The following CHD1L variants were observed in gnomAD, a reference collection of about 807,000 sequenced individuals.
CHD1L encodes the protein chromodomain helicase DNA binding protein 1 like.
In CHD1L, 118 loss-of-function variants were observed where a neutral mutation model predicts 115.9. The ratio of observed to expected loss-of-function variants is 1.02; its 90% CI spans 0.88 to 1.19. The LOEUF is 1.19. Ranked by LOEUF, CHD1L falls within the 50% of genes most tolerant of loss-of-function variation. CHD1L has a pLI of 0.00. For missense variants in CHD1L, 1,179 were observed against 1,065.3 expected (o/e 1.11, Z -1.49); for synonymous variants, 411 against 387.1 (o/e 1.06, Z -0.72).
Position 147,266,102 on chromosome 1 carries a change from C to T in CHD1L, c.895+15C>T. On this transcript the variant is annotated intron_variant, in intron 8 of 22. Transcript: ENST00000369258. ...GAAAGACCTAGGTAATCAGAGGGCA[C>T]TTGTCCATTTAGAAACTAAATGAGG... 1 of 1,597,368 alleles carries T rather than the reference C, an allele frequency of 6.3e-7. No homozygotes were observed. The highest frequency in any genetic ancestry group is 1.4e-5 in the African/African-American group (1 of 73,986).
the CHD1L span, chr1:147,215,917 C>G: frequency 6.2e-7 from 1 of 1,607,542 alleles, no homozygotes; most frequent in Non-Finnish European, 8.5e-7. Context: ...TTTGTAAATA[C>G]TGGCCCTTCC....
At position 147,267,452 on chromosome 1, in the gene CHD1L, A is replaced by G. The variant is rs1674395055; in HGVS notation, c.922A>G (p.Lys308Glu). The G allele has an allele frequency of 1.2e-6, 2 of 1,613,112 alleles. No individual in the cohort carries two copies. Among genetic ancestry groups the G allele is most frequent in the Admixed American group, 1.7e-5 (1 of 59,898 alleles). The stretch of plus-strand genomic sequence containing the variant: ...TGCATTTGAAAATGAGACGGCAAAG[A>G]AAGTTAAACTACAGAACATTTTGTC... ...LDAFENETAK[K>E]VKLQNILSQL... Residue 308 changes from lysine (K) to glutamate (E), a missense_variant, in exon 9 of 23, where the codon AAA becomes GAA. Physicochemically the swap from Lys to Glu is moderately conservative, Grantham distance 56 (BLOSUM62 1). Transcript: ENST00000369258.
chr1:147,191,091 C>T, the CHD1L span, among the ~76,000 whole-genome samples: 1 of 152,118 alleles, frequency 6.6e-6, no homozygotes, highest in South Asian at 2.1e-4. Context: ...CGTTGTTGGA[C>T]ATTTGGCTTG....
At chr1:147,223,833 G>T in the CHD1L span, 1 of 297,308 alleles carries the variant, frequency 3.4e-6, no homozygotes, top group South Asian at 3.0e-5. Context: ...AACAGCTACT[G>T]ACTGCTTACG....
At chr1:147,193,992 G>T in the CHD1L span, among the ~76,000 whole-genome samples, 2 of 152,086 alleles carry the variant, frequency 1.3e-5, no homozygotes, top group African/African-American at 2.4e-5. Context: ...CGTTGATTTG[G>T]GGTGGAGAGT....
intron 19 of CHD1L, among the ~76,000 whole-genome samples, chr1:147,288,337 A>AAAAAAAC (rs1684154277): frequency 1.6e-3 from 2 of 1,286 alleles, no homozygotes; most frequent in African/African-American, 2.4e-3. Flanking sequence ...AAAAAAAAAA[A>AAAAAAAC]AAAAAAAAAG....
At chr1:147,187,010 G>A in the CHD1L span, 2 of 1,614,030 alleles carry the variant, frequency 1.2e-6, no homozygotes, top group Non-Finnish European at 1.7e-6. Flanking sequence ...GTCATCAGAG[G>A]CTTCCTGATG....
the CHD1L span, chr1:147,186,301 C>T: frequency 2.0e-6 from 2 of 981,464 alleles, no homozygotes; most frequent in Admixed American, 6.2e-5. Context: ...AGACATGGTT[C>T]CTAAGGAAAA....
At chr1:147,287,394 G>T (rs1683586768) in intron 18 of CHD1L, among the ~76,000 whole-genome samples, 1 of 152,162 alleles carries the variant, frequency 6.6e-6, no homozygotes, top group Non-Finnish European at 1.5e-5. Context: ...CAGAGATTTT[G>T]CTCATTGAGA....
At chr1:147,192,497 C>T in the CHD1L span, among the ~76,000 whole-genome samples, 1 of 152,140 alleles carries the variant, frequency 6.6e-6, no homozygotes, top group East Asian at 1.9e-4. Flanking sequence ...ATCGAATACC[C>T]TTTATTTCCT....
At chr1:147,265,804 C>G in intron 7 of CHD1L, 128 bp from the exon 8 acceptor site, 1 of 700,146 alleles carries the variant, frequency 1.4e-6, no homozygotes. Context: ...AAAAAATGAT[C>G]ATACTGGCCT....
chr1:147,197,105 T>C, the CHD1L span, among the ~76,000 whole-genome samples: 6 of 152,202 alleles, frequency 3.9e-5, no homozygotes, highest in African/African-American at 1.4e-4. Context: ...TGTGAATATT[T>C]CTAGTTTCAT....
At chr1:147,280,973 T>C (rs1436163231) in intron 15 of CHD1L, among the ~76,000 whole-genome samples, 1 of 152,206 alleles carries the variant, frequency 6.6e-6, no homozygotes, top group Non-Finnish European at 1.5e-5. Flanking sequence ...CTTCACTAGA[T>C]GGTAGCTCCT....
At chr1:147,255,711 C>T in intron 3 of CHD1L, 102 bp from the exon 4 acceptor site, 1 of 757,400 alleles carries the variant, frequency 1.3e-6, no homozygotes, top group Non-Finnish European at 2.1e-6. Flanking sequence ...CTCATGAGTT[C>T]TGTACATTGC....
At chr1:147,293,822 A>G in intron 21 of CHD1L, 100 bp downstream of exon 21, 2 of 952,790 alleles carry the variant, frequency 2.1e-6, no homozygotes, top group Non-Finnish European at 3.3e-6. Context: ...CCCACTTAAT[A>G]TGCACGGTAA....
intron 3 of CHD1L, 44 bp from the exon 4 acceptor site, chr1:147,255,769 T>A (rs1669901046): frequency 7.4e-7 from 1 of 1,359,764 alleles, no homozygotes; most frequent in Non-Finnish European, 1.0e-6. Flanking sequence ...TCCTGTCACA[T>A]GGATCTAGTA....
intron 8 of CHD1L, among the ~76,000 whole-genome samples, chr1:147,266,997 A>G (rs1315406385): frequency 2.0e-5 from 3 of 152,226 alleles, no homozygotes; most frequent in Admixed American, 6.5e-5. Flanking sequence ...GTTTTGGAAC[A>G]TATTCCCCAT....
the CHD1L span, chr1:147,224,152 G>A: frequency 2.6e-5 from 8 of 302,822 alleles, 1 homozygote; most frequent in African/African-American, 6.7e-5. Flanking sequence ...AGACCTGCAC[G>A]ACGTTGCCTT....
intron 7 of CHD1L, 113 bp downstream of exon 7, chr1:147,264,697 C>G: frequency 1.9e-6 from 2 of 1,077,544 alleles, no homozygotes; most frequent in Non-Finnish European, 2.7e-6. Flanking sequence ...GGACACCTTC[C>G]AGGGAGACAG....
Sources: gnomAD v4.1 joint callset for allele counts (sites outside exome capture counted in the v4.1 genomes callset) on GRCh38, gnomAD v4.1.1 for gene constraint, MANE v1.5 for transcripts, NCBI Gene and HGNC (gene_info 2026-07-23, HGNC 2026-07-21) for gene names.